PCDHGC4: variants seen among roughly 807,000 people sequenced by gnomAD.
PCDHGC4 encodes protocadherin gamma-C4.
A neutral mutation model predicts 59.7 loss-of-function variants in PCDHGC4; 15 were observed. The observed-to-expected ratio is 0.25, with a 90% confidence interval of 0.17 to 0.39. The LOEUF is 0.39. Among genes scored for constraint, PCDHGC4 ranks in the 10% least tolerant of loss-of-function variants. The pLI is 1.00. For synonymous variants in PCDHGC4, 434 were observed against 481.4 expected (o/e 0.90, Z 1.29); for missense variants, 1,016 against 1,189.5 (o/e 0.85, Z 2.15).
At position 141,511,563 on chromosome 5, in the gene PCDHGC4, C is replaced by T. The variant is rs911782127; in HGVS notation, c.*390C>T. ...CCCCACTCCAACAGTTCCTCTTTCCCGAGTAAGGTGGTTGGGGTGTTGAAG... is the reference window on the plus strand; with the variant it reads ...CCCCACTCCAACAGTTCCTCTTTCCTGAGTAAGGTGGTTGGGGTGTTGAAG... On this transcript the variant is annotated 3_prime_UTR_variant, in exon 4 of 4. Coordinates refer to ENST00000306593, the MANE Select transcript of PCDHGC4 (RefSeq NM_018928.3). The T allele has an allele frequency of 7.8e-5, 23 of 295,048 alleles. No homozygotes were observed. The highest frequency in any genetic ancestry group is 3.4e-4 in the African/African-American group (16 of 46,532). The allele number at this position is 295,048 out of a possible 1,614,324, so 18.3% of individuals were successfully genotyped here. A position where few individuals can be genotyped will look rare whatever the true frequency, so the allele number is the denominator to read the frequency against.
intron 2 of PCDHGC4, among the ~76,000 whole-genome samples, chr5:141,501,290 TACACACACACACACACACACAC>T (rs55762287): frequency 1.4e-4 from 19 of 136,248 alleles, no homozygotes; most frequent in Admixed American, 1.1e-3. Context: ...TATTCCCTTA[TACACACACACACACACACACAC>T]ACACACACAC....
In PCDHGC4 at chr5:141,490,823, A is replaced by T. The variant is rs1340589166; in HGVS notation, c.2442+3208A>T. ...CGTACCTTTGACTATGAATTGCTGC[A>T]GATGCTGCAGATTGTGGTGGGGGTT... On this transcript the variant is annotated intron_variant, in intron 1 of 3. Transcript: ENST00000306593. This position sits in a 1 kb window ranked among gnomAD's most constrained non-coding sequence, Gnocchi z 5.4. 13 of 1,613,928 alleles carry T rather than the reference A, an allele frequency of 8.1e-6. No individual in the cohort carries two copies. Among genetic ancestry groups the T allele is most frequent in the Non-Finnish European group, 9.3e-6 (11 of 1,179,864 alleles).
intron 2 of PCDHGC4, among the ~76,000 whole-genome samples, chr5:141,503,334 C>T (rs2099819255): frequency 6.6e-6 from 1 of 152,072 alleles, no homozygotes; most frequent in Admixed American, 6.6e-5. Context: ...CGGTGGCTCA[C>T]GCCTGTAATT....
chr5:141,510,448 C>T (rs1339979584), intron 3 of PCDHGC4, among the ~76,000 whole-genome samples: 1 of 152,016 alleles, frequency 6.6e-6, no homozygotes, highest in Non-Finnish European at 1.5e-5. Context: ...TCCAGGAGCC[C>T]ATGGTCTAGT....
At chr5:141,510,304 A>G (rs1030803209) in intron 3 of PCDHGC4, among the ~76,000 whole-genome samples, 1 of 151,732 alleles carries the variant, frequency 6.6e-6, no homozygotes, top group Non-Finnish European at 1.5e-5. Context: ...CTGTTTTGAA[A>G]TGGAGGCTTG....
At position 141,490,118 on chromosome 5, in the gene PCDHGC4, T is replaced by G. The variant is rs1448768968; in HGVS notation, c.2442+2503T>G. The G allele has an allele frequency of 6.2e-7, 1 of 1,614,158 alleles. No individual in the cohort carries two copies. Among genetic ancestry groups the G allele is most frequent in the Non-Finnish European group, 8.5e-7 (1 of 1,180,048 alleles). On this transcript the variant is annotated intron_variant, in intron 1 of 3. Transcript: ENST00000306593. This position sits in a 1 kb window ranked among gnomAD's most constrained non-coding sequence, Gnocchi z 5.4. ...ACATCTGAGGCAGTGCGGAACCTCT[T>G]TGGCCTAGACCCTAGCAGTGGGGCA...
At chr5:141,492,710 G>A (rs11953270) in intron 1 of PCDHGC4, among the ~76,000 whole-genome samples, 27,341 of 152,278 alleles carry the variant, frequency 0.18, 2,647 homozygotes, top group Admixed American at 0.28. Flanking sequence ...GAAGCCTCGA[G>A]CAGGCGGACA....
At chr5:141,510,879 G>T in intron 3 of PCDHGC4, 68 bp from the exon 4 acceptor site, 1 of 1,611,520 alleles carries the variant, frequency 6.2e-7, no homozygotes, top group Non-Finnish European at 8.5e-7. Flanking sequence ...TAACTGCTGG[G>T]GATATAAGAC....
chr5:141,505,494 A>G lies in PCDHGC4; in HGVS notation c.2590+13A>G. ...GCGTCCGCCAGTGGTAAGTGGTGTC[A>G]GTGTGTGTATGGAAGAGTGGGAGAC... is the stretch of plus-strand genomic sequence containing the variant. On this transcript the variant is annotated intron_variant, in intron 3 of 3. Transcript: ENST00000306593. The G allele has an allele frequency of 6.8e-6, 11 of 1,614,198 alleles. No homozygotes were observed. Among genetic ancestry groups the G allele is most frequent in the Non-Finnish European group, 9.3e-6 (11 of 1,180,006 alleles).
chr5:141,498,509 C>T (rs2099784058), intron 2 of PCDHGC4, among the ~76,000 whole-genome samples: 1 of 151,740 alleles, frequency 6.6e-6, no homozygotes, highest in East Asian at 1.9e-4. Flanking sequence ...TCCCTCCCCA[C>T]CATCTTGCCC....
In PCDHGC4 at chr5:141,491,679, T is replaced by G. The variant is rs111288145; in HGVS notation, c.2443-3128T>G. 1 of 1,613,496 alleles carries G rather than the reference T, an allele frequency of 6.2e-7. No individual in the cohort carries two copies. Among genetic ancestry groups the G allele is most frequent in the Non-Finnish European group, 8.5e-7 (1 of 1,179,828 alleles). On this transcript the variant is annotated intron_variant, in intron 1 of 3. Coordinates refer to ENST00000306593, the MANE Select transcript of PCDHGC4 (RefSeq NM_018928.3). The surrounding 1 kb of genome is among the most constrained non-coding windows in gnomAD (Gnocchi z 6.9). ...CTGACGCCATCCGGTCCCGCTCTAA[T>G]ACGCTGCGGGAGCGGAGCCAGGTGA...
At chr5:141,500,499 G>A (rs531501031) in intron 2 of PCDHGC4, among the ~76,000 whole-genome samples, 11 of 151,970 alleles carry the variant, frequency 7.2e-5, no homozygotes, top group African/African-American at 2.7e-4. Context: ...GTGAGCCACC[G>A]CGCCTGGCCG....
Position 141,489,510 on chromosome 5 carries a change from T to A in PCDHGC4, c.2442+1895T>A, listed in dbSNP as rs762210983. 1 of 1,614,124 alleles carries A rather than the reference T, an allele frequency of 6.2e-7. No individual in the cohort carries two copies. The highest frequency in any genetic ancestry group is 1.7e-5 in the Admixed American group (1 of 60,022). On this transcript the variant is annotated intron_variant, in intron 1 of 3. Transcript: ENST00000306593. This position sits in a 1 kb window ranked among gnomAD's most constrained non-coding sequence, Gnocchi z 4.5. Reference sequence around the variant, plus strand: ...GTGCCCTGGCAGTGAATCAAAAGATTGACCGAGAAAGCCTATGTGGAGCCA... The same window carrying A: ...GTGCCCTGGCAGTGAATCAAAAGATAGACCGAGAAAGCCTATGTGGAGCCA...
At position 141,485,685 on chromosome 5, in the gene PCDHGC4, G is replaced by A; in HGVS notation, c.512G>A (p.Arg171Lys). Reference protein sequence around the residue: ...DVGSNSISSYRLSSNEHFALD... With the variant: ...DVGSNSISSYKLSSNEHFALD... ...GGGAGCAATTCGATTAGCAGCTATA[G>A]GCTGAGCTCCAATGAACACTTTGCA... The change falls in exon 1 of 4, where the codon AGG becomes AAG. Residue 171 changes from arginine to lysine, a missense_variant. Physicochemically the swap from Arg to Lys is conservative, Grantham distance 26. Coordinates refer to ENST00000306593, the MANE Select transcript of PCDHGC4 (RefSeq NM_018928.3). This position sits in a 1 kb window ranked among gnomAD's most constrained non-coding sequence, Gnocchi z 5.7. 1.2e-6 allele frequency: 2 copies of A among 1,614,052 alleles called. No homozygotes were observed. The highest frequency in any genetic ancestry group is 1.3e-5 in the African/African-American group (1 of 75,072).
chr5:141,487,783 G>T lies in PCDHGC4; in HGVS notation c.2442+168G>T. The T allele has an allele frequency of 6.6e-7, 1 of 1,522,846 alleles. No homozygotes were observed. The allele number at this position is 1,522,846 out of a possible 1,614,324, so 94.3% of individuals were successfully genotyped here. ...ACGCTGTGCTTTGTAACTGTTTCGT[G>T]AATTAACCAGAGTTGTCACAGTTTA... is the stretch of plus-strand genomic sequence containing the variant. On this transcript the variant is annotated intron_variant, in intron 1 of 3. Transcript: ENST00000306593. The surrounding 1 kb of genome is among the most constrained non-coding windows in gnomAD (Gnocchi z 5.0).
chr5:141,494,921 A>C (rs1345734925), intron 2 of PCDHGC4, 56 bp downstream of exon 2: 6 of 1,613,556 alleles, frequency 3.7e-6, no homozygotes, highest in Non-Finnish European at 5.1e-6. Flanking sequence ...CTCAGGGATG[A>C]CGTGGGAGGA....
chr5:141,495,469 C>G (rs1398171981), intron 2 of PCDHGC4, among the ~76,000 whole-genome samples: 1 of 152,220 alleles, frequency 6.6e-6, no homozygotes, highest in Non-Finnish European at 1.5e-5. Flanking sequence ...TGTGGGGTCT[C>G]CGTGTCTCTG....
At chr5:141,500,116 C>T (rs1458562489) in intron 2 of PCDHGC4, among the ~76,000 whole-genome samples, 4 of 149,046 alleles carry the variant, frequency 2.7e-5, no homozygotes, top group Admixed American at 2.0e-4. Context: ...GAATCCCTGC[C>T]TTTTCATATA....
chr5:141,491,544 C>G lies in PCDHGC4; in HGVS notation c.2443-3263C>G, dbSNP rs546391464. The G allele has an allele frequency of 1.1e-5, 17 of 1,614,018 alleles. No individual in the cohort carries two copies. In the Admixed American group the frequency reaches 1.8e-4, roughly 17 times the overall value. Reference sequence around the variant, plus strand: ...TGGAGGTGACGCTGCGGCCCACAGACTCGCAGAGCCACTGCTACAGGACGT... The same window carrying G: ...TGGAGGTGACGCTGCGGCCCACAGAGTCGCAGAGCCACTGCTACAGGACGT... On this transcript the variant is annotated intron_variant, in intron 1 of 3. Transcript: ENST00000306593. The surrounding 1 kb of genome is among the most constrained non-coding windows in gnomAD (Gnocchi z 6.9).
Sources: gnomAD v4.1 joint callset for allele counts (sites outside exome capture counted in the v4.1 genomes callset) on GRCh38, gnomAD v4.1.1 for gene constraint, Gnocchi (gnomAD v3.1) non-coding constraint, MANE v1.5 for transcripts, NCBI Gene and HGNC (gene_info 2026-07-23, HGNC 2026-07-21) for gene names.